Variants in RNF128 observed in about 807,000 individuals in gnomAD.
The protein encoded by RNF128 is ring finger protein 128, also known as E3 ubiquitin-protein ligase RNF128.
In RNF128, 13 loss-of-function variants were observed where a neutral mutation model predicts 26.2. That is an observed-to-expected ratio of 0.50 (90% CI 0.32 to 0.79). RNF128 has a LOEUF of 0.79. RNF128 is among the 30% of genes least tolerant of loss of function. RNF128 has a pLI of 0.03. For synonymous variants in RNF128, 149 were observed against 142.5 expected (o/e 1.05, Z -0.32); for missense variants, 315 against 349.7 (o/e 0.90, Z 0.79).
intron 4 of RNF128, among the ~76,000 whole-genome samples, chrX:106,788,925 CTA>C (rs1184168246): frequency 4.1e-4 from 27 of 65,693 alleles, no homozygotes; most frequent in Non-Finnish European, 6.9e-4. Context: ...AGTATATATA[CTA>C]TATAGTGTAT....
At chrX:106,788,879 ATATAT>A (rs1359816973) in intron 4 of RNF128, among the ~76,000 whole-genome samples, 11 of 76,306 alleles carry the variant, frequency 1.4e-4, no homozygotes, top group African/African-American at 2.7e-4. Context: ...ATAATGTATA[ATATAT>A]TATATATTAT....
chrX:106,728,882 T>C (rs1187924512), intron 1 of RNF128, among the ~76,000 whole-genome samples: 1 of 112,121 alleles, frequency 8.9e-6, no homozygotes, highest in Non-Finnish European at 1.9e-5. Flanking sequence ...TTTATATTGA[T>C]TAAAGGAGAA....
At chrX:106,702,036 T>C (rs962048406) in intron 1 of RNF128, among the ~76,000 whole-genome samples, 1 of 110,673 alleles carries the variant, frequency 9.0e-6, no homozygotes, top group African/African-American at 3.3e-5. Context: ...TTTTTTTACC[T>C]GACTTACAAT....
At chrX:106,704,004 G>T (rs976326666) in intron 1 of RNF128, among the ~76,000 whole-genome samples, 1 of 110,029 alleles carries the variant, frequency 9.1e-6, no homozygotes, top group African/African-American at 3.3e-5. Context: ...GGATGGCTGT[G>T]ATCCAAATGA....
At chrX:106,778,125 A>G (rs993286396) in intron 2 of RNF128, among the ~76,000 whole-genome samples, 1 of 111,398 alleles carries the variant, frequency 9.0e-6, no homozygotes, top group African/African-American at 3.3e-5. Flanking sequence ...TCAACAGTAG[A>G]CTATTAGTAG....
chrX:106,783,828 G>A (rs1481512703), intron 2 of RNF128, among the ~76,000 whole-genome samples: 3 of 110,979 alleles, frequency 2.7e-5, no homozygotes, highest in Admixed American at 1.9e-4. Flanking sequence ...GGGGAAGCAC[G>A]CGTGTCACAG....
At chrX:106,790,952 A>T in intron 5 of RNF128, 114 bp from the exon 6 acceptor site, 1 of 650,940 alleles carries the variant, frequency 1.5e-6, no homozygotes, top group Non-Finnish European at 2.4e-6. Context: ...TCATAGGTTT[A>T]AAAGGTTAAG....
intron 2 of RNF128, among the ~76,000 whole-genome samples, chrX:106,783,607 C>T (rs190988546): frequency 7.0e-4 from 78 of 111,533 alleles, no homozygotes; most frequent in African/African-American, 2.5e-3. Flanking sequence ...AGAAAGATCA[C>T]TTATCTTGCC....
chrX:106,755,984 C>G (rs888365402), intron 1 of RNF128, among the ~76,000 whole-genome samples: 29 of 110,504 alleles, frequency 2.6e-4, no homozygotes, highest in Middle Eastern at 4.7e-3. Context: ...CTCCCATTCA[C>G]AATTGCTTCA....
At chrX:106,749,827 C>T (rs1443310471) in intron 1 of RNF128, among the ~76,000 whole-genome samples, 1 of 109,652 alleles carries the variant, frequency 9.1e-6, no homozygotes, top group African/African-American at 3.3e-5. Flanking sequence ...ATCACTTGAT[C>T]CTGGGAGGTG....
rs751094465 is a variant in RNF128, at chrX:106,790,249, C to T, written c.951C>T (p.Cys317=). The T allele has an allele frequency of 3.3e-6, 4 of 1,197,997 alleles. No homozygotes were observed. The highest frequency in any genetic ancestry group is 1.7e-5 in the African/African-American group (1 of 57,253). ...TAGAACACAGGACTTGCCCCATGTGCAAATGTGACATACTCAAAGCTTTGG... is the reference window on the plus strand; with the variant it reads ...TAGAACACAGGACTTGCCCCATGTGTAAATGTGACATACTCAAAGCTTTGG... The part of the protein sequence containing the change: ...WLLEHRTCPM[C]KCDILKALGI... Residue 317 remains cysteine (C), a synonymous_variant, in exon 5 of 7, where the codon TGC becomes TGT. Transcript: ENST00000255499.
intron 1 of RNF128, among the ~76,000 whole-genome samples, chrX:106,709,556 T>TG (rs887084949): frequency 2.7e-5 from 3 of 111,202 alleles, no homozygotes; most frequent in Admixed American, 9.6e-5. Flanking sequence ...TAACTTCTTT[T>TG]TTTTTTTTAG....
intron 4 of RNF128, among the ~76,000 whole-genome samples, chrX:106,789,306 T>A (rs1316877764): frequency 1.0e-5 from 1 of 97,511 alleles, no homozygotes; most frequent in East Asian, 3.1e-4. Context: ...AGAATAAATT[T>A]AAAATTAATC....
chrX:106,711,095 T>A lies in RNF128; in HGVS notation c.406+16687T>A, dbSNP rs765565100. 1.9e-3 allele frequency among the ~76,000 whole-genome samples: 216 copies of A among 112,082 alleles called. 2 individuals are homozygous for A. The highest frequency in any genetic ancestry group is 6.8e-3 in the African/African-American group (211 of 30,844). ...TAAAAATAATTTTTGCTAAAAAAAA[T>A]CACTGAATCTAATTCCTCATTTTCA... On this transcript the variant is annotated intron_variant, in intron 1 of 6. Transcript: ENST00000324342.
At chrX:106,711,327 T>C (rs1929123437) in intron 1 of RNF128, among the ~76,000 whole-genome samples, 1 of 112,146 alleles carries the variant, frequency 8.9e-6, no homozygotes. Context: ...TACATATTTA[T>C]GGAGCAATCA....
chrX:106,784,889 T>A (rs1395541402), intron 2 of RNF128, among the ~76,000 whole-genome samples, 176 bp from the exon 3 acceptor site: 1 of 111,652 alleles, frequency 9.0e-6, no homozygotes, highest in Non-Finnish European at 1.9e-5. Flanking sequence ...ACTTGGAAAA[T>A]CCTGCCTTAT....
chrX:106,697,514 A>C (rs746269515), intron 1 of RNF128, among the ~76,000 whole-genome samples: 5 of 111,305 alleles, frequency 4.5e-5, no homozygotes, highest in Non-Finnish European at 9.4e-5. Flanking sequence ...AATCTACTTC[A>C]CCCACCCTCG....
At position 106,773,157 on chromosome X, in the gene RNF128, G is replaced by T. The variant is rs1930407329; in HGVS notation, c.729G>T (p.Lys243Asn). The T allele has an allele frequency of 8.3e-7, 1 of 1,208,409 alleles. No homozygotes were observed. The highest frequency in any genetic ancestry group is 2.2e-5 in the Admixed American group (1 of 45,495). The change falls in exon 2 of 7, where the codon AAG (lysine) becomes AAT (asparagine). Residue 243 changes from lysine to asparagine, a missense_variant. Physicochemically the swap from Lys to Asn is moderately conservative, Grantham distance 94. Coordinates refer to ENST00000255499, the MANE Select transcript of RNF128 (RefSeq NM_194463.2). ...RLRNARAQSR[K>N]QRQLKADAKK... ...GGAATGCAAGAGCTCAAAGCAGGAA[G>T]CAGGTTTGTAATGGTCCTTTCTTCC...
At chrX:106,725,340 T>C (rs1010465909), upstream of RNF128, among the ~76,000 whole-genome samples, 18 of 112,043 alleles carry the variant, frequency 1.6e-4, no homozygotes, top group African/African-American at 5.8e-4. Flanking sequence ...TATATGATGT[T>C]AATTTTCCTC....
Sources: allele counts gnomAD v4.1 joint callset (sites outside exome capture counted in the v4.1 genomes callset), GRCh38; gene constraint gnomAD v4.1.1; transcripts MANE v1.5; gene names NCBI Gene and HGNC (gene_info 2026-07-23, HGNC 2026-07-21).